PAX3: variants seen among roughly 807,000 people sequenced by gnomAD.
The protein encoded by PAX3 is paired box 3.
PAX3 carries 14 observed loss-of-function variants against 51.6 expected under a neutral mutation model. The ratio of observed to expected loss-of-function variants is 0.27; its 90% CI spans 0.18 to 0.42. The LOEUF (loss-of-function observed/expected upper bound fraction) is 0.42, where lower values mean the gene tolerates loss of function less well. Ranked by LOEUF, PAX3 falls within the 10% of genes least tolerant of loss-of-function variation. The pLI, the probability that PAX3 is intolerant of heterozygous loss-of-function variation, is 1.00. For missense variants in PAX3, 540 were observed against 642.8 expected, an observed-to-expected ratio of 0.84 and a Z score of 1.73; for synonymous variants, 280 against 253.4, an observed-to-expected ratio of 1.11 and a Z score of -1.00.
intron 4 of PAX3, among the ~76,000 whole-genome samples, chr2:222,293,289 CT>C (rs1290998589): frequency 6.6e-6 from 1 of 152,242 alleles, no homozygotes; most frequent in African/African-American, 2.4e-5. Flanking sequence ...CCCCTCCCCC[CT>C]GCCGTCTCCT....
Position 222,298,937 on chromosome 2 carries a change from G to A in PAX3, c.-322C>T. ...GGGCTCAGAGAGCCACGGCGAGCCG[G>A]GGAGCCTGGTGAGGCTGGAGCGCGG... On this transcript the variant is annotated 5_prime_UTR_variant, in exon 1 of 9. Transcript: ENST00000392070. 1.0e-5 allele frequency: 5 copies of A among 483,500 alleles called. No homozygotes were observed. In the South Asian group the frequency reaches 1.1e-4, roughly 11 times the overall value. 30.0% of individuals were successfully genotyped at this position (483,500 alleles called of 1,614,324 possible). A position where few individuals can be genotyped will look rare whatever the true frequency, so the allele number is the denominator to read the frequency against.
chr2:222,213,678 A>G (rs1338139253), intron 7 of PAX3, among the ~76,000 whole-genome samples: 1 of 152,184 alleles, frequency 6.6e-6, no homozygotes, highest in Admixed American at 6.5e-5. Context: ...TCTCTTCTAC[A>G]GATAAATTCC....
chr2:222,260,567 T>TTG (rs1252585293), intron 4 of PAX3, among the ~76,000 whole-genome samples: 3 of 75,036 alleles, frequency 4.0e-5, no homozygotes, highest in Admixed American at 2.8e-4. Flanking sequence ...TTTTTTTTGT[T>TTG]TTTTTTTTTT....
chr2:222,260,143 G>A (rs1693785336), intron 4 of PAX3, among the ~76,000 whole-genome samples: 1 of 152,178 alleles, frequency 6.6e-6, no homozygotes, highest in African/African-American at 2.4e-5. Context: ...CCAAAGTGCT[G>A]GGATTATAGG....
intron 4 of PAX3, chr2:222,293,667 T>C (rs1695129408): frequency 2.5e-6 from 4 of 1,614,108 alleles, no homozygotes; most frequent in Non-Finnish European, 3.4e-6. Context: ...AGGCAGCCAA[T>C]GTGGGGGCAA....
intron 4 of PAX3, among the ~76,000 whole-genome samples, chr2:222,241,975 T>A (rs959898258): frequency 6.6e-6 from 1 of 152,368 alleles, no homozygotes; most frequent in East Asian, 1.9e-4. Context: ...GCAGTCATTC[T>A]GGGTTGATTA....
chr2:222,205,188 A>G (rs190767371), intron 7 of PAX3, among the ~76,000 whole-genome samples: 97 of 152,320 alleles, frequency 6.4e-4, no homozygotes, highest in Admixed American at 4.5e-3. Flanking sequence ...AAGTATATCT[A>G]TTGAAGGGTG....
intron 4 of PAX3, among the ~76,000 whole-genome samples, chr2:222,280,841 A>G (rs1490966421): frequency 1.3e-5 from 2 of 152,226 alleles, no homozygotes; most frequent in African/African-American, 4.8e-5. Flanking sequence ...GTACCCAGGC[A>G]TTCCTCTAAC....
intron 4 of PAX3, among the ~76,000 whole-genome samples, chr2:222,275,901 G>T (rs1694403293): frequency 6.6e-6 from 1 of 152,202 alleles, no homozygotes; most frequent in Non-Finnish European, 1.5e-5. Flanking sequence ...GTGTGTTTTA[G>T]TTAAGAGCAA....
chr2:222,218,804 T>A (rs192135560), intron 7 of PAX3, among the ~76,000 whole-genome samples: 104 of 152,328 alleles, frequency 6.8e-4, no homozygotes, highest in African/African-American at 2.4e-3. Context: ...AGCCACCTCA[T>A]AATTTTTTTT....
chr2:222,283,726 C>T (rs907785250), intron 4 of PAX3, among the ~76,000 whole-genome samples: 2 of 152,330 alleles, frequency 1.3e-5, no homozygotes, highest in Non-Finnish European at 2.9e-5. Context: ...ACTGGGGGCC[C>T]GGCTGGCCAA....
intron 4 of PAX3, among the ~76,000 whole-genome samples, chr2:222,245,695 C>A (rs939159403): frequency 6.6e-6 from 1 of 151,790 alleles, no homozygotes; most frequent in African/African-American, 2.4e-5. Context: ...AGAGGCCAGG[C>A]ACTGTGGCTC....
chr2:222,211,738 C>T (rs970280030), intron 7 of PAX3, among the ~76,000 whole-genome samples: 1 of 152,142 alleles, frequency 6.6e-6, no homozygotes, highest in Admixed American at 6.5e-5. Flanking sequence ...AACAAAAGGG[C>T]TCCATAATCA....
At chr2:222,282,839 A>G (rs2106177886) in intron 4 of PAX3, among the ~76,000 whole-genome samples, 1 of 152,364 alleles carries the variant, frequency 6.6e-6, no homozygotes, top group East Asian at 1.9e-4. Flanking sequence ...GCAATAGAAT[A>G]TTGGAGGAAT....
At chr2:222,226,131 A>G (rs1303932920) in intron 5 of PAX3, among the ~76,000 whole-genome samples, 2 of 152,338 alleles carry the variant, frequency 1.3e-5, no homozygotes, top group East Asian at 3.9e-4. Flanking sequence ...GCAATTTGAA[A>G]AATGGGGAGA....
intron 7 of PAX3, among the ~76,000 whole-genome samples, chr2:222,205,337 C>A (rs1015851961): frequency 1.6e-4 from 25 of 152,206 alleles, no homozygotes; most frequent in African/African-American, 5.3e-4. Context: ...CTGTGTGTCA[C>A]TATTGTCACA....
At position 222,243,749 on chromosome 2, in the gene PAX3, A is replaced by G. The variant is rs1024874371; in HGVS notation, c.587-11466T>C. On this transcript the variant is annotated intron_variant, in intron 4 of 8. Coordinates refer to ENST00000392070, the MANE Select transcript of PAX3 (RefSeq NM_181458.4). ...TCTTCTCTTGGGTTCTATAAAAAAG[A>G]AAAAGGGTAGCACAGGAAGCTTGTT... Among the ~76,000 whole-genome samples the G allele has an allele frequency of 1.3e-4, 20 of 152,342 alleles. 1 individual carries two copies. Among genetic ancestry groups the G allele is most frequent in the Admixed American group, 9.8e-4 (15 of 15,310 alleles).
intron 4 of PAX3, among the ~76,000 whole-genome samples, chr2:222,279,053 C>T (rs1694534282): frequency 6.6e-6 from 1 of 152,170 alleles, no homozygotes; most frequent in African/African-American, 2.4e-5. Context: ...CAGGTTCAAA[C>T]AATTCTCCTG....
chr2:222,211,965 G>C (rs1465894645), intron 7 of PAX3, among the ~76,000 whole-genome samples: 1 of 152,114 alleles, frequency 6.6e-6, no homozygotes, highest in Non-Finnish European at 1.5e-5. Flanking sequence ...GCTTGGTTTG[G>C]TTTCAGGGTG....
Sources: gnomAD v4.1 joint callset for allele counts (sites outside exome capture counted in the v4.1 genomes callset) on GRCh38, gnomAD v4.1.1 for gene constraint, MANE v1.5 for transcripts, NCBI Gene and HGNC (gene_info 2026-07-23, HGNC 2026-07-21) for gene names.